Variants in POR observed in about 807,000 individuals in gnomAD.
POR encodes the protein cytochrome p450 oxidoreductase.
In POR, 56 loss-of-function variants were observed where a neutral mutation model predicts 84.0. The ratio of observed to expected loss-of-function variants is 0.67; its 90% CI spans 0.54 to 0.83. The LOEUF (loss-of-function observed/expected upper bound fraction) is 0.83. POR is among the 40% of genes least tolerant of loss of function. POR has a pLI of 0.00. For synonymous variants in POR, 414 were observed against 400.5 expected, an observed-to-expected ratio of 1.03 and a Z score of -0.40; for missense variants, 938 against 944.3, an observed-to-expected ratio of 0.99 and a Z score of 0.09.
At chr7:75,918,073 G>A (rs868973330) in intron 1 of POR, among the ~76,000 whole-genome samples, 4 of 152,228 alleles carry the variant, frequency 2.6e-5, no homozygotes, top group East Asian at 3.9e-4. Flanking sequence ...TTGGGAGGCC[G>A]AGGCAGGCAG....
At chr7:75,981,987 G>A (rs1232090877) in intron 7 of POR, 8 of 570,076 alleles carry the variant, frequency 1.4e-5, no homozygotes, top group African/African-American at 1.3e-4. Flanking sequence ...ATGGAAGCCT[G>A]CCCAGCCCTG....
In POR at chr7:75,954,181, G is replaced by GT. The variant is rs782535506; in HGVS notation, c.188+2dup. 8.7e-6 allele frequency: 14 copies of GT among 1,605,448 alleles called. No individual in the cohort carries two copies. In the South Asian group the frequency reaches 1.6e-4, roughly 18 times the overall value. On this transcript the variant is annotated splice_donor_variant, in intron 2 of 15. Coordinates refer to ENST00000461988, the MANE Select transcript of POR (RefSeq NM_000941.3). LOFTEE classifies it high-confidence loss of function. Reference sequence around the variant, plus strand: ...CCGAGTTCACCAAAATTCAGACATTGTAAGTGCCGCCTCTCAGCCTCCTCT... The same window carrying GT: ...CCGAGTTCACCAAAATTCAGACATTGTTAAGTGCCGCCTCTCAGCCTCCTCT...
chr7:75,972,276 G>C, intron 2 of POR, 137 bp from the exon 3 acceptor site: 1 of 780,592 alleles, frequency 1.3e-6, no homozygotes, highest in Non-Finnish European at 2.1e-6. Flanking sequence ...GGAGTGGCAC[G>C]GGACAAAGCT....
chr7:75,981,772 T>TG (rs1789061855), intron 7 of POR, 166 bp downstream of exon 7: 1 of 622,320 alleles, frequency 1.6e-6, no homozygotes, highest in Admixed American at 3.0e-5. Context: ...TCTGCCACGT[T>TG]GCTCTGCACT....
chr7:75,972,039 C>T (rs972789652), intron 2 of POR, among the ~76,000 whole-genome samples: 6 of 152,006 alleles, frequency 3.9e-5, no homozygotes, highest in Non-Finnish European at 7.4e-5. Context: ...GAGGTCAGGC[C>T]GTGGGGACCT....
intron 4 of POR, 150 bp downstream of exon 4, chr7:75,979,729 C>A: frequency 9.4e-7 from 1 of 1,067,092 alleles, no homozygotes; most frequent in Non-Finnish European, 1.3e-6. Context: ...AGGGTCATTG[C>A]CATCCCTGCC....
chr7:75,952,083 G>A (rs1554552926), intron 1 of POR, among the ~76,000 whole-genome samples: 1 of 138,596 alleles, frequency 7.2e-6, no homozygotes, highest in Non-Finnish European at 1.6e-5. Context: ...GGCTGGCCGG[G>A]CGGGGGGCTG....
intron 5 of POR, chr7:75,980,778 C>A (rs1161928737): frequency 1.4e-6 from 2 of 1,400,962 alleles, no homozygotes; most frequent in Non-Finnish European, 1.9e-6. Flanking sequence ...GAGCTGGAGC[C>A]CCAGCCCGGT....
At chr7:75,946,327 C>G (rs1554552124) in intron 1 of POR, among the ~76,000 whole-genome samples, 1 of 151,982 alleles carries the variant, frequency 6.6e-6, no homozygotes, top group Admixed American at 6.6e-5. Context: ...CACTCTGTTG[C>G]CTAGACTACA....
intron 2 of POR, among the ~76,000 whole-genome samples, chr7:75,956,413 T>C (rs1554553753): frequency 2.0e-5 from 3 of 152,234 alleles, no homozygotes; most frequent in Admixed American, 2.0e-4. Flanking sequence ...GGTGTGTGGC[T>C]GCAGCAGTGA....
In POR at chr7:75,985,646, A is replaced by G. The variant is rs1554559084; in HGVS notation, c.1466A>G (p.Asn489Ser). ...TACGAGACCAAGGCTGGCCGCATCA[A>G]CAAGGGCGTGGCCACCAACTGGCTG... Residue 489 changes from asparagine (N) to serine (S), a missense_variant, in exon 13 of 16, where the codon AAC becomes AGC. Coordinates refer to ENST00000461988, the MANE Select transcript of POR (RefSeq NM_000941.3). The G allele has an allele frequency of 4.4e-6, 7 of 1,595,056 alleles. No homozygotes were observed. The highest frequency in any genetic ancestry group is 6.0e-6 in the Non-Finnish European group (7 of 1,171,698).
At chr7:75,930,119 A>C (rs1025531378) in intron 1 of POR, among the ~76,000 whole-genome samples, 5 of 152,180 alleles carry the variant, frequency 3.3e-5, no homozygotes, top group Non-Finnish European at 5.9e-5. Flanking sequence ...TTATCATATG[A>C]ATCAAAAGAA....
At chr7:75,952,611 G>A (rs1160777411) in intron 1 of POR, among the ~76,000 whole-genome samples, 10 of 148,340 alleles carry the variant, frequency 6.7e-5, no homozygotes, top group East Asian at 2.0e-4. Flanking sequence ...CAGACGGGGC[G>A]GCCGGGCAGA....
intron 1 of POR, among the ~76,000 whole-genome samples, chr7:75,920,771 T>A (rs1806818504): frequency 6.6e-6 from 1 of 151,938 alleles, no homozygotes; most frequent in African/African-American, 2.4e-5. Context: ...GTCACCTTTC[T>A]GAACTTTCTG....
chr7:75,920,081 T>TTTTA (rs1806778553), intron 1 of POR, among the ~76,000 whole-genome samples: 1 of 142,522 alleles, frequency 7.0e-6, no homozygotes, highest in East Asian at 2.0e-4. Flanking sequence ...TTTTTTTTTT[T>TTTTA]TTGAGACAGA....
intron 1 of POR, chr7:75,943,971 G>A (rs1787067324): frequency 2.3e-6 from 1 of 433,674 alleles, no homozygotes; most frequent in African/African-American, 2.1e-5. Context: ...AAATAGCCAA[G>A]GAAACCTCGA....
chr7:75,948,328 G>C (rs782528155), intron 1 of POR, among the ~76,000 whole-genome samples: 6 of 152,232 alleles, frequency 3.9e-5, no homozygotes, highest in Non-Finnish European at 7.3e-5. Flanking sequence ...CAGGCTGAGC[G>C]CTGGGAGTGC....
chr7:75,955,215 T>A (rs1787632375), intron 2 of POR, among the ~76,000 whole-genome samples: 1 of 152,236 alleles, frequency 6.6e-6, no homozygotes, highest in African/African-American at 2.4e-5. Context: ...CACAAAATCT[T>A]TGGACAGGCC....
At chr7:75,941,489 C>A (rs239959) in intron 1 of POR, among the ~76,000 whole-genome samples, 1 of 151,958 alleles carries the variant, frequency 6.6e-6, no homozygotes, top group Non-Finnish European at 1.5e-5. Context: ...ACCAGAGCCT[C>A]CGGCATCTGT....
Sources: gnomAD v4.1 joint callset for allele counts (sites outside exome capture counted in the v4.1 genomes callset) on GRCh38, gnomAD v4.1.1 for gene constraint, MANE v1.5 for transcripts, NCBI Gene and HGNC (gene_info 2026-07-23, HGNC 2026-07-21) for gene names.